DDX4: variants seen among roughly 807,000 people sequenced by gnomAD.
DDX4 encodes the protein probable ATP-dependent RNA helicase DDX4.
A neutral mutation model predicts 100.0 loss-of-function variants in DDX4; 25 were observed. The ratio of observed to expected loss-of-function variants is 0.25; its 90% confidence interval spans 0.18 to 0.35. DDX4 has a LOEUF of 0.35. Among genes scored for constraint, DDX4 ranks in the 10% least tolerant of loss-of-function variants. The pLI, the probability that DDX4 is intolerant of heterozygous loss-of-function variation, is 1.00. For missense variants in DDX4, 635 were observed against 882.4 expected, an observed-to-expected ratio of 0.72 and a Z score of 3.55; for synonymous variants, 259 against 275.7, an observed-to-expected ratio of 0.94 and a Z score of 0.60.
At position 55,785,791 on chromosome 5, in the gene DDX4, T is replaced by C; in HGVS notation, c.784T>C (p.Tyr262His). 1 of 1,610,738 alleles carries C rather than the reference T, an allele frequency of 6.2e-7. No homozygotes were observed. The highest frequency in any genetic ancestry group is 8.5e-7 in the Non-Finnish European group (1 of 1,176,932). ...PEDEDSIFAH[Y>H]QTGINFDKYD... ...GGATGAGGACTCCATCTTTGCACAT[T>C]ATCAGACAGGCATAAACTTCGACAA... Residue 262 changes from tyrosine to histidine, a missense_variant, in exon 13 of 22, where the codon TAT becomes CAT. Physicochemically the swap from Tyr to His is moderately conservative, Grantham distance 83. Around this residue, in one of 4 missense-constraint regions of DDX4, gnomAD observed 446 missense variants for 540.8 expected, o/e 0.82. Coordinates refer to ENST00000505374, the MANE Select transcript of DDX4 (RefSeq NM_024415.3).
At chr5:55,798,097 A>C (rs558914572) in intron 17 of DDX4, among the ~76,000 whole-genome samples, 125 of 152,290 alleles carry the variant, frequency 8.2e-4, no homozygotes, top group African/African-American at 2.9e-3. Flanking sequence ...ATTCCTGCTT[A>C]TTGCAGTTTA....
At chr5:55,743,225 G>A (rs2150805584) in intron 2 of DDX4, among the ~76,000 whole-genome samples, 1 of 152,260 alleles carries the variant, frequency 6.6e-6, no homozygotes, top group South Asian at 2.1e-4. Flanking sequence ...GCTTCTAGTG[G>A]CTAAGGGCAT....
intron 1 of DDX4, chr5:55,738,387 T>C (rs1758804717): frequency 6.5e-6 from 1 of 154,752 alleles, no homozygotes; most frequent in Non-Finnish European, 1.4e-5. Context: ...AAGCTGGTTG[T>C]CCTTTGTCGG....
chr5:55,757,795 G>A (rs1048457990), intron 3 of DDX4, among the ~76,000 whole-genome samples: 11 of 152,142 alleles, frequency 7.2e-5, no homozygotes, highest in African/African-American at 2.7e-4. Context: ...TGTAGTCCCA[G>A]CACTATGGGA....
At chr5:55,788,216 T>C (rs749855930) in intron 15 of DDX4, among the ~76,000 whole-genome samples, 7 of 152,214 alleles carry the variant, frequency 4.6e-5, no homozygotes, top group Non-Finnish European at 7.3e-5. Context: ...GGCTCATGAC[T>C]ATAATCCCAG....
intron 3 of DDX4, among the ~76,000 whole-genome samples, chr5:55,748,616 C>A (rs190274859): frequency 1.1e-4 from 17 of 151,602 alleles, no homozygotes; most frequent in Non-Finnish European, 1.9e-4. Context: ...ATAACAAGTA[C>A]TTTTTGTAGT....
intron 17 of DDX4, among the ~76,000 whole-genome samples, chr5:55,794,146 A>G (rs1234458636): frequency 6.6e-6 from 1 of 151,964 alleles, no homozygotes; most frequent in African/African-American, 2.4e-5. Context: ...TGGTACATAA[A>G]ACAATCATTT....
intron 15 of DDX4, 136 bp from the exon 16 acceptor site, chr5:55,790,440 C>T: frequency 1.5e-6 from 1 of 656,118 alleles, no homozygotes; most frequent in East Asian, 2.8e-5. Flanking sequence ...GCCACTGCAC[C>T]CAGCCAGAAT....
At chr5:55,803,315 A>C (rs1197329598) in intron 18 of DDX4, among the ~76,000 whole-genome samples, 1 of 149,504 alleles carries the variant, frequency 6.7e-6, no homozygotes, top group South Asian at 2.1e-4. Flanking sequence ...TCCATGGTGT[A>C]TATGTGCCAC....
chr5:55,813,279 G>A (rs750130552), intron 18 of DDX4, among the ~76,000 whole-genome samples: 3 of 152,290 alleles, frequency 2.0e-5, no homozygotes, highest in Non-Finnish European at 2.9e-5. Context: ...AATCATGGGA[G>A]AATGAAAGAT....
intron 7 of DDX4, among the ~76,000 whole-genome samples, chr5:55,770,006 T>C (rs1052771240): frequency 1.3e-5 from 2 of 152,120 alleles, no homozygotes; most frequent in African/African-American, 4.8e-5. Flanking sequence ...TAGCTGGGAC[T>C]ACAGGCATGT....
intron 2 of DDX4, among the ~76,000 whole-genome samples, chr5:55,742,678 GTA>G (rs1407318984): frequency 6.6e-6 from 1 of 152,132 alleles, no homozygotes. Flanking sequence ...TTACAGCTAA[GTA>G]TTTTAAGAGG....
intron 10 of DDX4, among the ~76,000 whole-genome samples, chr5:55,782,546 C>A (rs764601947): frequency 4.6e-5 from 7 of 151,194 alleles, no homozygotes; most frequent in African/African-American, 1.7e-4. Context: ...TGCAGTAAGC[C>A]GAGATCATAC....
intron 6 of DDX4, 40 bp downstream of exon 6, chr5:55,764,104 G>A: frequency 5.7e-6 from 8 of 1,394,124 alleles, no homozygotes; most frequent in Non-Finnish European, 8.2e-6. Flanking sequence ...TTAATGTCAA[G>A]AGTACATGCT....
chr5:55,764,173 C>A, intron 6 of DDX4, 109 bp downstream of exon 6: 1 of 801,574 alleles, frequency 1.2e-6, no homozygotes. Flanking sequence ...TTATTTAAAC[C>A]AGATTTTATG....
At chr5:55,778,491 CAAATA>C in intron 7 of DDX4, among the ~76,000 whole-genome samples, 1 of 151,498 alleles carries the variant, frequency 6.6e-6, no homozygotes, top group East Asian at 1.9e-4. Flanking sequence ...GGAGAAAACT[CAAATA>C]AAAAAGGTAG....
chr5:55,784,681 A>G (rs1742138395), intron 10 of DDX4, among the ~76,000 whole-genome samples: 1 of 152,068 alleles, frequency 6.6e-6, no homozygotes, highest in Non-Finnish European at 1.5e-5. Flanking sequence ...TGTGCCAGGC[A>G]GAAGGTGAGT....
chr5:55,784,209 C>A (rs1425187465), intron 10 of DDX4, among the ~76,000 whole-genome samples: 1 of 151,914 alleles, frequency 6.6e-6, no homozygotes, highest in Non-Finnish European at 1.5e-5. Context: ...AGTCAGGGGG[C>A]GGGGGATTGC....
chr5:55,786,223 A>G (rs1198876960), intron 13 of DDX4, among the ~76,000 whole-genome samples: 1 of 152,196 alleles, frequency 6.6e-6, no homozygotes, highest in East Asian at 1.9e-4. Flanking sequence ...ATTGATAATT[A>G]TACTTAGAAC....
Sources: gnomAD v4.1 joint callset for allele counts (sites outside exome capture counted in the v4.1 genomes callset) on GRCh38, gnomAD v4.1.1 for gene constraint, gnomAD v4.1.1 regional missense constraint, MANE v1.5 for transcripts, NCBI Gene and HGNC (gene_info 2026-07-23, HGNC 2026-07-21) for gene names.